RXFP1: variants seen among roughly 807,000 people sequenced by gnomAD.
RXFP1 encodes relaxin family peptide receptor 1.
In RXFP1, 73 loss-of-function variants were observed where a neutral mutation model predicts 89.8. That is an observed-to-expected ratio of 0.81 (90% CI 0.67 to 0.99). RXFP1 has a LOEUF of 0.99. Among genes scored for constraint, RXFP1 ranks in the 50% least tolerant of loss-of-function variants. The probability of loss-of-function intolerance (pLI) is 0.00; values close to 1 mark genes in which losing one functional copy is unlikely to be tolerated. For missense variants in RXFP1, 793 were observed against 895.5 expected (o/e 0.89, Z 1.46); for synonymous variants, 277 against 305.5 (o/e 0.91, Z 0.97).
chr4:158,633,307 C>T, intron 11 of RXFP1, 98 bp from the exon 12 acceptor site: 2 of 730,452 alleles, frequency 2.7e-6, no homozygotes, highest in Non-Finnish European at 4.7e-6. Flanking sequence ...TCACCAATGG[C>T]ATTGTTGAAA....
chr4:158,546,662 G>C (rs564697508), intron 1 of RXFP1, among the ~76,000 whole-genome samples: 2,421 of 152,192 alleles, frequency 0.016, 50 homozygotes, highest in African/African-American at 0.051. Flanking sequence ...TAGCATGAAG[G>C]GTTGTTGAAT....
chr4:158,625,883 A>G (rs1015506952), intron 9 of RXFP1, among the ~76,000 whole-genome samples: 4 of 152,080 alleles, frequency 2.6e-5, no homozygotes, highest in African/African-American at 9.7e-5. Context: ...TTTACTTTTG[A>G]AAGTCTATCC....
intron 4 of RXFP1, 94 bp from the exon 5 acceptor site, chr4:158,604,974 G>A (rs1339997358): frequency 3.2e-6 from 2 of 629,178 alleles, no homozygotes; most frequent in Admixed American, 5.8e-5. Flanking sequence ...CTGAAAGCTA[G>A]TACTAAAGTA....
chr4:158,651,811 A>G lies in RXFP1; in HGVS notation c.2030A>G (p.Asn677Ser). The G allele has an allele frequency of 6.2e-7, 1 of 1,614,144 alleles. No individual in the cohort carries two copies. Reference sequence around the variant, plus strand: ...ATTCTGCCCATTAACAGTGCTTTGAACCCAATTCTCTATACTCTGACCACA... The same window carrying G: ...ATTCTGCCCATTAACAGTGCTTTGAGCCCAATTCTCTATACTCTGACCACA... ...IFILPINSALNPILYTLTTRP... is the reference protein window; with the variant it reads ...IFILPINSALSPILYTLTTRP... The change falls in exon 18 of 18, where the codon AAC becomes AGC. Residue 677 changes from asparagine (N) to serine (S), a missense_variant. Transcript: ENST00000307765.
chr4:158,613,681 G>A (rs913896032), intron 8 of RXFP1, among the ~76,000 whole-genome samples: 1 of 152,154 alleles, frequency 6.6e-6, no homozygotes, highest in East Asian at 1.9e-4. Context: ...TTCTTCCACT[G>A]AAGTCTTGAA....
chr4:158,581,971 A>T (rs917394101), intron 2 of RXFP1, among the ~76,000 whole-genome samples: 1 of 152,142 alleles, frequency 6.6e-6, no homozygotes. Flanking sequence ...GAAGCAAGAG[A>T]GAGGAGGGGA....
chr4:158,559,389 A>G (rs189548770), intron 1 of RXFP1, among the ~76,000 whole-genome samples: 38 of 152,218 alleles, frequency 2.5e-4, no homozygotes, highest in Admixed American at 2.5e-3. Context: ...AACCATGTTT[A>G]ATACCATTAG....
At chr4:158,643,319 A>G (rs1409639981) in intron 14 of RXFP1, among the ~76,000 whole-genome samples, 3 of 151,768 alleles carry the variant, frequency 2.0e-5, no homozygotes, top group African/African-American at 7.3e-5. Context: ...CTTACCAAGG[A>G]CTCTCTTACC....
At position 158,578,272 on chromosome 4, in the gene RXFP1, C is replaced by T. The variant is rs148919981; in HGVS notation, c.187+5437C>T. ...CACTAAACCATTCTTCATCTCTGCTCAGAACTGTCACAGACACAATCAAAC... is the reference window on the plus strand; with the variant it reads ...CACTAAACCATTCTTCATCTCTGCTTAGAACTGTCACAGACACAATCAAAC... On this transcript the variant is annotated intron_variant, in intron 2 of 17. Coordinates refer to ENST00000307765, the MANE Select transcript of RXFP1 (RefSeq NM_021634.4). Among the ~76,000 whole-genome samples the T allele has an allele frequency of 6.8e-3, 1,033 of 152,180 alleles. 3 individuals are homozygous for T. Among genetic ancestry groups the T allele is most frequent in the Non-Finnish European group, 0.01 (710 of 68,006 alleles).
intron 14 of RXFP1, among the ~76,000 whole-genome samples, chr4:158,643,785 A>G (rs1770894821): frequency 6.6e-6 from 1 of 151,704 alleles, no homozygotes; most frequent in African/African-American, 2.4e-5. Context: ...TGCTAGTTCT[A>G]TTTGTAGTTT....
intron 2 of RXFP1, among the ~76,000 whole-genome samples, chr4:158,578,445 TAAC>T (rs1233933592): frequency 1.3e-5 from 2 of 152,242 alleles, no homozygotes; most frequent in Non-Finnish European, 2.9e-5. Flanking sequence ...AGGAACCTGA[TAAC>T]AAAAAGTTGA....
chr4:158,537,636 C>G (rs1402230529), intron 1 of RXFP1, among the ~76,000 whole-genome samples: 1 of 152,154 alleles, frequency 6.6e-6, no homozygotes, highest in Non-Finnish European at 1.5e-5. Context: ...TTCATTCTTC[C>G]TTTCCTTCAA....
intron 3 of RXFP1, 82 bp downstream of exon 3, chr4:158,593,581 A>T (rs544195977): frequency 2.9e-6 from 2 of 688,012 alleles, no homozygotes; most frequent in South Asian, 6.3e-5. Flanking sequence ...ATTTTAAAAA[A>T]AGATTGCATC....
chr4:158,599,213 A>G (rs1321053418), intron 3 of RXFP1, 113 bp from the exon 4 acceptor site: 5 of 1,528,696 alleles, frequency 3.3e-6, no homozygotes, highest in Non-Finnish European at 4.4e-6. Flanking sequence ...GTAGCACATG[A>G]TATGCTTTTG....
At chr4:158,562,074 C>T (rs1752564549) in intron 1 of RXFP1, among the ~76,000 whole-genome samples, 1 of 152,106 alleles carries the variant, frequency 6.6e-6, no homozygotes, top group Non-Finnish European at 1.5e-5. Context: ...CAAGTTTGAA[C>T]TTAATTGCCT....
intron 1 of RXFP1, among the ~76,000 whole-genome samples, chr4:158,527,560 A>ATATATATATATATATATATAT: frequency 4.0e-4 from 3 of 7,484 alleles, no homozygotes; most frequent in African/African-American, 4.3e-4. Context: ...TCCAAAAAAA[A>ATATATATATATATATATATAT]AAAAATATAT....
Position 158,546,173 on chromosome 4 carries a change from G to A in RXFP1, c.49+24148G>A, listed in dbSNP as rs550185878. 3.6e-3 allele frequency among the ~76,000 whole-genome samples: 544 copies of A among 152,132 alleles called. 3 individuals carry two copies. Among genetic ancestry groups the A allele is most frequent in the Middle Eastern group, 0.014 (4 of 294 alleles). ...CTTGAAGAGGTCCTTCACATCCCTT[G>A]TAAGTTGGATTCCTAGGTATTTTAT... On this transcript the variant is annotated intron_variant, in intron 1 of 17. Coordinates refer to ENST00000307765, the MANE Select transcript of RXFP1 (RefSeq NM_021634.4).
intron 1 of RXFP1, among the ~76,000 whole-genome samples, chr4:158,555,026 CTT>C (rs1750986593): frequency 6.6e-6 from 1 of 152,078 alleles, no homozygotes; most frequent in African/African-American, 2.4e-5. Context: ...CAATTACACT[CTT>C]ACTTTATTTT....
Position 158,646,908 on chromosome 4 carries a change from T to C in RXFP1, c.1463T>C (p.Val488Ala). Residue 488 changes from valine (V) to alanine (A), a missense_variant, in exon 16 of 18, where the codon GTA becomes GCA. Val to Ala is a moderately conservative substitution (Grantham distance 64). Transcript: ENST00000307765. ...LWMESTHCQL[V>A]GSLAILSTEV... ...ATGGAGAGTACTCATTGTCAGCTTGTAGGATCTTTGGCCATTCTGTCCACA... is the reference window on the plus strand; with the variant it reads ...ATGGAGAGTACTCATTGTCAGCTTGCAGGATCTTTGGCCATTCTGTCCACA... 7 of 1,614,198 alleles carry C rather than the reference T, an allele frequency of 4.3e-6. No individual in the cohort carries two copies. Among genetic ancestry groups the C allele is most frequent in the Non-Finnish European group, 5.1e-6 (6 of 1,180,014 alleles).
Sources: gnomAD v4.1 joint callset for allele counts (sites outside exome capture counted in the v4.1 genomes callset) on GRCh38, gnomAD v4.1.1 for gene constraint, MANE v1.5 for transcripts, NCBI Gene and HGNC (gene_info 2026-07-23, HGNC 2026-07-21) for gene names.